Variants in VPS13D observed in about 807,000 individuals in gnomAD.
VPS13D encodes the protein intermembrane lipid transfer protein VPS13D.
Under a neutral mutation model 461.9 loss-of-function variants are expected in VPS13D, and 187 were observed. The ratio of observed to expected loss-of-function variants is 0.40; its 90% CI spans 0.36 to 0.46. The LOEUF (loss-of-function observed/expected upper bound fraction) is 0.46, where lower values mean the gene tolerates loss of function less well. Among genes scored for constraint, VPS13D ranks in the 20% least tolerant of loss-of-function variants. The pLI is 0.60. For missense variants in VPS13D, 4,711 were observed against 5,364.9 expected, an observed-to-expected ratio of 0.88 and a Z score of 3.81; for synonymous variants, 1,951 against 1,986.3, an observed-to-expected ratio of 0.98 and a Z score of 0.47.
At chr1:12,395,434 C>G (rs570539372) in intron 60 of VPS13D, among the ~76,000 whole-genome samples, 1 of 152,124 alleles carries the variant, frequency 6.6e-6, no homozygotes, top group Non-Finnish European at 1.5e-5. Context: ...GTGCATCTTT[C>G]GGCGTGCATC....
intron 24 of VPS13D, among the ~76,000 whole-genome samples, chr1:12,295,839 C>T (rs1299968324): frequency 1.3e-5 from 2 of 152,110 alleles, no homozygotes; most frequent in African/African-American, 4.8e-5. Flanking sequence ...GTCAACTCCT[C>T]GTGGAACCAC....
chr1:12,501,398 A>G (rs1246227719), intron 68 of VPS13D, among the ~76,000 whole-genome samples: 2 of 152,300 alleles, frequency 1.3e-5, no homozygotes, highest in African/African-American at 4.8e-5. Flanking sequence ...ACACTTACAG[A>G]ATTGGCCATT....
intron 67 of VPS13D, among the ~76,000 whole-genome samples, chr1:12,476,544 G>C (rs921421242): frequency 1.3e-5 from 2 of 152,186 alleles, no homozygotes; most frequent in East Asian, 1.9e-4. Context: ...GGGAGATGTG[G>C]CATATTATGA....
intron 2 of VPS13D, among the ~76,000 whole-genome samples, chr1:12,239,172 T>C (rs1470650982): frequency 4.6e-5 from 7 of 152,112 alleles, no homozygotes; most frequent in Non-Finnish European, 1.0e-4. Context: ...AGGGTCTTGC[T>C]CTATTGCCCC....
chr1:12,251,302 T>C (rs1208114865), intron 6 of VPS13D, among the ~76,000 whole-genome samples: 20 of 152,246 alleles, frequency 1.3e-4, no homozygotes, highest in Non-Finnish European at 4.4e-5. Context: ...TGCTTCAGTT[T>C]CCATATCTAG....
intron 61 of VPS13D, 76 bp from the exon 62 acceptor site, chr1:12,401,532 T>C (rs1298889574): frequency 9.4e-7 from 1 of 1,064,252 alleles, no homozygotes; most frequent in Non-Finnish European, 1.4e-6. Context: ...TACCATGTCA[T>C]TGAGGCCTTC....
In VPS13D at chr1:12,358,551, C is replaced by A; in HGVS notation, c.10091C>A (p.Ala3364Asp). ...FSLDGGSGVRALKVIQQGNRP... is the reference protein window; with the variant it reads ...FSLDGGSGVRDLKVIQQGNRP... Reference sequence around the variant, plus strand: ...CTGGATGGTGGTAGTGGTGTCCGAGCTTTGAAAGTCATCCAGCAAGGAAAC... The same window carrying A: ...CTGGATGGTGGTAGTGGTGTCCGAGATTTGAAAGTCATCCAGCAAGGAAAC... Residue 3364 changes from alanine to aspartate, a missense_variant, in exon 50 of 70, where the codon GCT becomes GAT. Around this residue, in one of 3 missense-constraint regions of VPS13D, gnomAD observed 4,411 missense variants for 4,937.8 expected, o/e 0.89. Coordinates refer to ENST00000620676, the MANE Select transcript of VPS13D (RefSeq NM_015378.4). 1 of 1,614,146 alleles carries A rather than the reference C, an allele frequency of 6.2e-7. No individual in the cohort carries two copies. Among genetic ancestry groups the A allele is most frequent in the Non-Finnish European group, 8.5e-7 (1 of 1,180,024 alleles).
chr1:12,410,426 T>TA (rs888802891), intron 63 of VPS13D, among the ~76,000 whole-genome samples: 8 of 152,318 alleles, frequency 5.3e-5, no homozygotes, highest in African/African-American at 1.4e-4. Context: ...TTATGCTTCT[T>TA]ACTCTAACTG....
Position 12,319,531 on chromosome 1 carries a change from C to T in VPS13D, c.7449C>T (p.Cys2483=), listed in dbSNP as rs1456387878. 6.2e-7 allele frequency: 1 copy of T among 1,614,064 alleles called. No homozygotes were observed. Among genetic ancestry groups the T allele is most frequent in the Admixed American group, 1.7e-5 (1 of 60,002 alleles). Residue 2483 remains cysteine (C), a synonymous_variant, in exon 32 of 70, where the codon TGC becomes TGT. Coordinates refer to ENST00000620676, the MANE Select transcript of VPS13D (RefSeq NM_015378.4). ...TEFVVIEDVS[C]FDTNAIILKG... ...TTGTGGTCATTGAAGATGTGTCCTGCTTCGACACCAATGCCATTATTCTGA... is the reference window on the plus strand; with the variant it reads ...TTGTGGTCATTGAAGATGTGTCCTGTTTCGACACCAATGCCATTATTCTGA...
Position 12,385,201 on chromosome 1 carries a change from G to T in VPS13D, c.11371-59G>T. 14 of 1,400,058 alleles carry T rather than the reference G, an allele frequency of 1.0e-5. No individual in the cohort carries two copies. In the South Asian group the frequency reaches 1.1e-4, roughly 11 times the overall value. 86.7% of individuals were successfully genotyped at this position (1,400,058 alleles called of 1,614,324 possible). The stretch of plus-strand genomic sequence containing the variant: ...TGACCTACACAGTTGTTCTGGGTTA[G>T]AATAGGTTTCAATAAGGAAGAGTGA... On this transcript the variant is annotated intron_variant, in intron 58 of 69. Coordinates refer to ENST00000620676, the MANE Select transcript of VPS13D (RefSeq NM_015378.4).
Position 12,279,412 on chromosome 1 carries a change from C to T in VPS13D, c.4451-87C>T, listed in dbSNP as rs2101370764. 1 of 1,411,244 alleles carries T rather than the reference C, an allele frequency of 7.1e-7. No homozygotes were observed. The highest frequency in any genetic ancestry group is 9.5e-7 in the Non-Finnish European group (1 of 1,056,344). The allele number at this position is 1,411,244 out of a possible 1,614,324, so 87.4% of individuals were successfully genotyped here. A position where few individuals can be genotyped will look rare whatever the true frequency, so the allele number is the denominator to read the frequency against. On this transcript the variant is annotated intron_variant, in intron 19 of 69. Transcript: ENST00000620676. This position sits in a 1 kb window ranked among gnomAD's most constrained non-coding sequence, Gnocchi z 4.3. ...TCCTGGTCTAAGTGTAACTCATGGG[C>T]TGTATTTTGTATATTCTACGTTTAA...
intron 41 of VPS13D, 44 bp from the exon 42 acceptor site, chr1:12,342,855 G>A: frequency 6.4e-7 from 1 of 1,572,422 alleles, no homozygotes; most frequent in South Asian, 1.2e-5. Context: ...AGAGGGAGCT[G>A]GGAAGAAACA....
chr1:12,401,832 G>A, intron 62 of VPS13D, 128 bp downstream of exon 62: 1 of 672,312 alleles, frequency 1.5e-6, no homozygotes, highest in Non-Finnish European at 2.6e-6. Context: ...GCCTGAGCTA[G>A]GAAGCTAAGG....
At chr1:12,418,162 C>T (rs908781289) in intron 65 of VPS13D, among the ~76,000 whole-genome samples, 20 of 152,328 alleles carry the variant, frequency 1.3e-4, no homozygotes, top group African/African-American at 4.6e-4. Flanking sequence ...CCAACCTCGG[C>T]CTTCCAAAGT....
chr1:12,337,785 T>C, intron 39 of VPS13D: 1 of 157,650 alleles, frequency 6.3e-6, no homozygotes, highest in Admixed American at 6.1e-5. Flanking sequence ...ACTCTTCCCC[T>C]GAATTTTTGA....
intron 13 of VPS13D, among the ~76,000 whole-genome samples, chr1:12,264,271 A>G (rs1053041974): frequency 3.3e-5 from 5 of 152,156 alleles, no homozygotes; most frequent in Admixed American, 6.5e-5. Context: ...TAACCCTACA[A>G]TGGCTTCTAA....
intron 21 of VPS13D, among the ~76,000 whole-genome samples, chr1:12,285,145 A>G (rs1267450188): frequency 6.6e-6 from 1 of 152,146 alleles, no homozygotes; most frequent in Non-Finnish European, 1.5e-5. Context: ...AAACATTTTT[A>G]TTGTGAAAAA....
chr1:12,315,817 C>T (rs187966048), intron 30 of VPS13D, among the ~76,000 whole-genome samples: 369 of 152,002 alleles, frequency 2.4e-3, no homozygotes, highest in Non-Finnish European at 4.4e-3. Flanking sequence ...TCTGGAGAAA[C>T]ATTTCTTTTT....
At chr1:12,424,469 G>C (rs979630714) in intron 65 of VPS13D, among the ~76,000 whole-genome samples, 2 of 152,168 alleles carry the variant, frequency 1.3e-5, no homozygotes, top group Non-Finnish European at 2.9e-5. Flanking sequence ...GTGTATTTGT[G>C]GGGGCCGGGG....
Sources: allele counts gnomAD v4.1 joint callset (sites outside exome capture counted in the v4.1 genomes callset), GRCh38; gene constraint gnomAD v4.1.1; regional missense constraint gnomAD v4.1.1; non-coding constraint Gnocchi (gnomAD v3.1); transcripts MANE v1.5; gene names NCBI Gene and HGNC (gene_info 2026-07-23, HGNC 2026-07-21).